Variants in GRIN2B observed in about 807,000 individuals in gnomAD.
The protein encoded by GRIN2B is glutamate receptor ionotropic, NMDA 2B.
A neutral mutation model predicts 114.5 loss-of-function variants in GRIN2B; 5 were observed. The ratio of observed to expected loss-of-function variants is 0.04; its 90% CI spans 0.02 to 0.09. The LOEUF is 0.09. Ranked by LOEUF, GRIN2B falls within the 10% of genes least tolerant of loss-of-function variation. The pLI is 1.00. For synonymous variants in GRIN2B, 787 were observed against 745.1 expected, an observed-to-expected ratio of 1.06 and a Z score of -0.92; for missense variants, 1,108 against 1,943.5, an observed-to-expected ratio of 0.57 and a Z score of 8.08.
rs1373879495 is a variant in GRIN2B at position 13,543,236 on chromosome 12, C to G, written c.*19547G>C. The G allele has an allele frequency of 6.6e-6, 1 of 152,226 alleles. No individual in the cohort carries two copies. The highest frequency in any genetic ancestry group is 1.5e-5 in the Non-Finnish European group (1 of 68,056). 9.4% of individuals were successfully genotyped at this position (152,226 alleles called of 1,614,324 possible). On this transcript the variant is annotated 3_prime_UTR_variant, in exon 14 of 14. Transcript: ENST00000609686. ...CAGCCCACCACCCCAACAACAGACC[C>G]CAAACCACCAATAACTGCAAGCCCT...
rs141264286 is a variant in GRIN2B, at chr12:13,761,866, GTTAA to G, written c.412-7955_412-7952del. 1.7e-3 allele frequency among the ~76,000 whole-genome samples: 264 copies of G among 152,272 alleles called. 1 individual carries two copies. The South Asian group carries it at 0.023, about 13-fold the overall frequency. ...AAGGTGTGTACATATTAAACTAAGT[GTTAA>G]TTAAGTAGTAGCGTTATCAATATCA... On this transcript the variant is annotated intron_variant, in intron 3 of 13. Transcript: ENST00000609686.
chr12:13,881,877 A>G lies in GRIN2B; in HGVS notation c.-18-15651T>C, dbSNP rs143175439. On this transcript the variant is annotated intron_variant, in intron 2 of 13. Coordinates refer to ENST00000609686, the MANE Select transcript of GRIN2B (RefSeq NM_000834.5). The stretch of plus-strand genomic sequence containing the variant: ...CCCTCAAGAATCTACATAGAGAGAT[A>G]GTGATGTGGCTTGACAGGAACATAC... 2.5e-3 allele frequency among the ~76,000 whole-genome samples: 377 copies of G among 152,326 alleles called. 1 individual carries two copies. The highest frequency in any genetic ancestry group is 8.5e-3 in the African/African-American group (355 of 41,568).
At chr12:13,596,229 A>G (rs1437793681) in intron 10 of GRIN2B, among the ~76,000 whole-genome samples, 1 of 152,184 alleles carries the variant, frequency 6.6e-6, no homozygotes, top group East Asian at 1.9e-4. Context: ...ACCCAGTCCA[A>G]AAAAGGTGGA....
At chr12:13,894,578 AC>A (rs1479935270) in intron 2 of GRIN2B, among the ~76,000 whole-genome samples, 1 of 152,154 alleles carries the variant, frequency 6.6e-6, no homozygotes, top group East Asian at 1.9e-4. Flanking sequence ...AATTCGAGTG[AC>A]TTTTTTTTCT....
chr12:13,826,060 T>C (rs1865030044), intron 3 of GRIN2B, among the ~76,000 whole-genome samples: 2 of 152,144 alleles, frequency 1.3e-5, no homozygotes, highest in African/African-American at 4.8e-5. Context: ...AATTGACTGT[T>C]TTTTTAGAGT....
At chr12:13,723,214 C>A (rs1309433443) in intron 4 of GRIN2B, among the ~76,000 whole-genome samples, 1 of 151,618 alleles carries the variant, frequency 6.6e-6, no homozygotes, top group Non-Finnish European at 1.5e-5. Flanking sequence ...TAGGTATACA[C>A]GTGCCATGGT....
intron 3 of GRIN2B, among the ~76,000 whole-genome samples, chr12:13,789,648 T>C (rs1444357150): frequency 6.6e-6 from 1 of 152,180 alleles, no homozygotes; most frequent in Non-Finnish European, 1.5e-5. Flanking sequence ...TAAGAATTGT[T>C]GGAAGGATTA....
intron 4 of GRIN2B, among the ~76,000 whole-genome samples, chr12:13,691,961 T>C (rs10732565): frequency 0.98 from 148,482 of 152,236 alleles, 72,506 homozygotes; most frequent in Middle Eastern, 1. Context: ...TAACCACACC[T>C]AAAGCTCTAG....
At chr12:13,724,835 A>T in intron 4 of GRIN2B, among the ~76,000 whole-genome samples, 1 of 152,100 alleles carries the variant, frequency 6.6e-6, no homozygotes, top group African/African-American at 2.4e-5. Context: ...GGCTGCTTCT[A>T]AGAAGTAGAA....
intron 4 of GRIN2B, among the ~76,000 whole-genome samples, chr12:13,700,227 CTG>C (rs759816662): frequency 9.9e-5 from 15 of 152,094 alleles, no homozygotes; most frequent in Non-Finnish European, 1.9e-4. Flanking sequence ...GAAAGAGAAA[CTG>C]ATGGCAATTT....
intron 4 of GRIN2B, among the ~76,000 whole-genome samples, chr12:13,701,551 T>G (rs1555123653): frequency 6.6e-6 from 1 of 150,480 alleles, no homozygotes; most frequent in Non-Finnish European, 1.5e-5. Flanking sequence ...AGACAGTTCC[T>G]GCCACCACAG....
At chr12:13,699,119 A>AGG (rs1950288244) in intron 4 of GRIN2B, among the ~76,000 whole-genome samples, 1 of 152,236 alleles carries the variant, frequency 6.6e-6, no homozygotes, top group South Asian at 2.1e-4. Flanking sequence ...ATAAGGTTAA[A>AGG]GGCTACAGTA....
intron 10 of GRIN2B, among the ~76,000 whole-genome samples, chr12:13,590,112 A>G (rs1252560881): frequency 2.0e-5 from 3 of 152,136 alleles, no homozygotes; most frequent in Non-Finnish European, 4.4e-5. Context: ...GAGAGCTTGA[A>G]GTAGAATAAA....
At chr12:13,601,518 AT>A (rs199904898) in intron 10 of GRIN2B, among the ~76,000 whole-genome samples, 573 of 144,788 alleles carry the variant, frequency 4.0e-3, no homozygotes, top group African/African-American at 8.5e-3. Context: ...ATTTGCAAAG[AT>A]TTTTTTTTTT....
chr12:13,792,335 A>T (rs916390221), intron 3 of GRIN2B, among the ~76,000 whole-genome samples: 1 of 152,240 alleles, frequency 6.6e-6, no homozygotes, highest in African/African-American at 2.4e-5. Context: ...CAATCAATTA[A>T]CAGAGCTATA....
intron 5 of GRIN2B, among the ~76,000 whole-genome samples, chr12:13,646,529 C>A (rs950240718): frequency 1.3e-5 from 2 of 152,136 alleles, no homozygotes; most frequent in Non-Finnish European, 2.9e-5. Flanking sequence ...AAAAGTGATA[C>A]AATGTCACTC....
rs1439912248 is a variant in GRIN2B, at chr12:13,564,998, T to C, written c.2599-359A>G. Among the ~76,000 whole-genome samples, 2 of 152,206 alleles carry C rather than the reference T, an allele frequency of 1.3e-5. No homozygotes were observed. The highest frequency in any genetic ancestry group is 4.8e-5 in the African/African-American group (2 of 41,446). On this transcript the variant is annotated intron_variant, in intron 13 of 13. Transcript: ENST00000609686. This position sits in a 1 kb window ranked among gnomAD's most constrained non-coding sequence, Gnocchi z 4.8. ...TTTTCACATCTTAAAAATGAGGCCA[T>C]GATATCAACCCATAGCAAAAAATAT...
At chr12:13,799,040 T>C (rs1183901766) in intron 3 of GRIN2B, among the ~76,000 whole-genome samples, 1 of 152,240 alleles carries the variant, frequency 6.6e-6, no homozygotes, top group Non-Finnish European at 1.5e-5. Flanking sequence ...GTTTGGGTAC[T>C]GGGACTGCAA....
intron 13 of GRIN2B, 102 bp downstream of exon 13, chr12:13,566,910 TCTTGCTTGAGCAA>T: frequency 1.3e-6 from 1 of 793,650 alleles, no homozygotes; most frequent in East Asian, 2.4e-5. Context: ...TGATGTGGTT[TCTTGCTTGAGCAA>T]CATGGGGGTG....
Sources: gnomAD v4.1 joint callset for allele counts (sites outside exome capture counted in the v4.1 genomes callset) on GRCh38, gnomAD v4.1.1 for gene constraint, Gnocchi (gnomAD v3.1) non-coding constraint, MANE v1.5 for transcripts, NCBI Gene and HGNC (gene_info 2026-07-23, HGNC 2026-07-21) for gene names.